The following SLC35D4 variants were observed in gnomAD, a reference collection of about 807,000 sequenced individuals.
SLC35D4 encodes solute carrier family 35 member D4.
At chr18:23,253,866 G>A in the SLC35D4 span, 1 of 1,614,200 alleles carries the variant, frequency 6.2e-7, no homozygotes, top group Non-Finnish European at 8.5e-7. Context: ...CTGTGTGCTG[G>A]GGCATGTGTG....
At chr18:23,408,135 T>C in the SLC35D4 span, among the ~76,000 whole-genome samples, 2 of 118,896 alleles carry the variant, frequency 1.7e-5, no homozygotes, top group African/African-American at 6.5e-5. Flanking sequence ...TAACCCCCTA[T>C]CCACTGGCCT....
chr18:23,357,370 T>C, the SLC35D4 span, among the ~76,000 whole-genome samples: 3 of 152,184 alleles, frequency 2.0e-5, no homozygotes, highest in East Asian at 5.8e-4. Context: ...ATTGGCTGCT[T>C]CCCTCTCTGG....
At chr18:23,361,759 A>G in the SLC35D4 span, among the ~76,000 whole-genome samples, 6 of 152,210 alleles carry the variant, frequency 3.9e-5, no homozygotes, top group African/African-American at 1.4e-4. Context: ...AAAAATTATG[A>G]AAATATAACT....
the SLC35D4 span, among the ~76,000 whole-genome samples, chr18:23,279,819 T>TCA: frequency 2.6e-5 from 4 of 152,028 alleles, no homozygotes; most frequent in Non-Finnish European, 5.9e-5. Context: ...ATTTAATATC[T>TCA]CACACACACA....
the SLC35D4 span, chr18:23,257,027 G>A: frequency 4.9e-5 from 29 of 587,968 alleles, no homozygotes; most frequent in Admixed American, 2.0e-4. Context: ...GCAGCCCCTC[G>A]GGAAAGGAGC....
At chr18:23,321,706 T>A in the SLC35D4 span, among the ~76,000 whole-genome samples, 14 of 152,206 alleles carry the variant, frequency 9.2e-5, no homozygotes, top group Non-Finnish European at 1.8e-4. Flanking sequence ...CCATCAGCCA[T>A]GGCCTCCCAA....
At chr18:23,371,923 C>CTTATTTTTTTTTT in the SLC35D4 span, among the ~76,000 whole-genome samples, 7 of 111,568 alleles carry the variant, frequency 6.3e-5, no homozygotes, top group East Asian at 5.0e-4. Flanking sequence ...TTATTTCTTC[C>CTTATTTTTTTTTT]TTGTTTTTTT....
chr18:23,362,609 A>G, the SLC35D4 span, among the ~76,000 whole-genome samples: 2 of 152,130 alleles, frequency 1.3e-5, no homozygotes, highest in East Asian at 3.9e-4. Context: ...AAACAAACAA[A>G]CAAACAAAAA....
chr18:23,306,981 T>G, the SLC35D4 span, among the ~76,000 whole-genome samples: 1 of 152,132 alleles, frequency 6.6e-6, no homozygotes, highest in Non-Finnish European at 1.5e-5. Context: ...AATAGACTAT[T>G]TATGTGTGAT....
At chr18:23,384,901 G>T in the SLC35D4 span, 4 of 1,148,584 alleles carry the variant, frequency 3.5e-6, no homozygotes, top group African/African-American at 6.1e-5. Context: ...GCAGGAAGAG[G>T]CAGACACTAA....
the SLC35D4 span, among the ~76,000 whole-genome samples, chr18:23,400,392 G>A: frequency 6.6e-6 from 1 of 152,164 alleles, no homozygotes; most frequent in Non-Finnish European, 1.5e-5. Flanking sequence ...GGGAGGCTAA[G>A]ACAGGTGGAT....
the SLC35D4 span, among the ~76,000 whole-genome samples, chr18:23,242,785 AT>A: frequency 6.6e-6 from 1 of 152,164 alleles, no homozygotes; most frequent in African/African-American, 2.4e-5. Flanking sequence ...TAAAATGCCT[AT>A]TTTTTATTTA....
the SLC35D4 span, among the ~76,000 whole-genome samples, chr18:23,267,702 C>T: frequency 6.6e-6 from 1 of 152,306 alleles, no homozygotes; most frequent in East Asian, 1.9e-4. Context: ...TCTGGGGTCC[C>T]CTGCCCCATC....
At chr18:23,269,124 G>A in the SLC35D4 span, among the ~76,000 whole-genome samples, 1 of 152,268 alleles carries the variant, frequency 6.6e-6, no homozygotes, top group South Asian at 2.1e-4. Context: ...AGATGATGAG[G>A]GTTCCACAGA....
the SLC35D4 span, among the ~76,000 whole-genome samples, chr18:23,361,346 C>T: frequency 6.6e-6 from 1 of 151,842 alleles, no homozygotes; most frequent in South Asian, 2.1e-4. Context: ...GTGTAATAAG[C>T]AAGTGAAAAA....
chr18:23,245,503 CAAAAAA>C, the SLC35D4 span, among the ~76,000 whole-genome samples: 1 of 94,606 alleles, frequency 1.1e-5, no homozygotes, highest in East Asian at 3.4e-4. Flanking sequence ...CATCCTGTCT[CAAAAAA>C]AAAAAAAAAA....
At chr18:23,266,612 A>C in the SLC35D4 span, among the ~76,000 whole-genome samples, 1 of 152,188 alleles carries the variant, frequency 6.6e-6, no homozygotes, top group Non-Finnish European at 1.5e-5. Flanking sequence ...TGGTCTCTTC[A>C]ACCAGGTGGC....
At chr18:23,246,713 A>G in the SLC35D4 span, among the ~76,000 whole-genome samples, 1 of 151,520 alleles carries the variant, frequency 6.6e-6, no homozygotes, top group South Asian at 2.1e-4. Flanking sequence ...TTTGTTTTTG[A>G]GACAGTCTCA....
chr18:23,413,168 C>T, the SLC35D4 span, among the ~76,000 whole-genome samples: 4 of 152,338 alleles, frequency 2.6e-5, no homozygotes, highest in East Asian at 7.7e-4. Context: ...CGTGCCCAGC[C>T]TCAAGCTCCA....
Sources: gnomAD v4.1 joint callset for allele counts (sites outside exome capture counted in the v4.1 genomes callset) on GRCh38, gnomAD v4.1.1 for gene constraint, MANE v1.5 for transcripts, NCBI Gene and HGNC (gene_info 2026-07-23, HGNC 2026-07-21) for gene names.